Variants in NF2 observed in about 807,000 individuals in gnomAD.
The protein encoded by NF2 is NF2, moesin-ezrin-radixin like (MERLIN) tumor suppressor.
Under a neutral mutation model 83.7 loss-of-function variants are expected in NF2, and 8 were observed. The ratio of observed to expected loss-of-function variants is 0.10; its 90% CI spans 0.06 to 0.17. The LOEUF (loss-of-function observed/expected upper bound fraction) is 0.17, where lower values mean the gene tolerates loss of function less well. Ranked by LOEUF, NF2 falls within the 10% of genes least tolerant of loss-of-function variation. NF2 has a pLI of 1.00. For missense variants in NF2, 533 were observed against 744.4 expected (o/e 0.72, Z 3.31); for synonymous variants, 266 against 269.6 (o/e 0.99, Z 0.13).
intron 15 of NF2, among the ~76,000 whole-genome samples, chr22:29,692,577 G>GGCCC (rs2067435818): frequency 6.6e-6 from 1 of 152,192 alleles, no homozygotes; most frequent in Non-Finnish European, 1.5e-5. Context: ...AGCCTCTCAA[G>GGCCC]GCCCCCACAG....
chr22:29,657,613 T>C (rs189199580), intron 6 of NF2, among the ~76,000 whole-genome samples: 1 of 152,334 alleles, frequency 6.6e-6, no homozygotes, highest in Admixed American at 6.5e-5. Context: ...TATTTCAGTA[T>C]GATACCTGTT....
rs184973932 is a variant in NF2, at chr22:29,641,179, T to C, written c.364-1023T>C. ...GCAGTTTTTCTATAGCGTTGCTTTT[T>C]CCCCCCTCTCTTTGGAAATGAAACC... On this transcript the variant is annotated intron_variant, in intron 3 of 15. Transcript: ENST00000338641. 7.2e-4 allele frequency among the ~76,000 whole-genome samples: 110 copies of C among 152,064 alleles called. 1 individual carries two copies. In the East Asian group the frequency reaches 0.014, roughly 20 times the overall value.
chr22:29,637,472 C>G (rs748214667), intron 2 of NF2, among the ~76,000 whole-genome samples: 1 of 152,292 alleles, frequency 6.6e-6, no homozygotes, highest in Non-Finnish European at 1.5e-5. Flanking sequence ...CCTAAAGGAA[C>G]TGCCCTCTGC....
chr22:29,606,504 T>G (rs2064801637), intron 1 of NF2, among the ~76,000 whole-genome samples: 1 of 152,202 alleles, frequency 6.6e-6, no homozygotes, highest in African/African-American at 2.4e-5. Flanking sequence ...GGATTTTGCC[T>G]CAGGAGAGAA....
intron 1 of NF2, among the ~76,000 whole-genome samples, chr22:29,605,871 C>T (rs1425270057): frequency 6.6e-6 from 1 of 152,204 alleles, no homozygotes; most frequent in Non-Finnish European, 1.5e-5. Flanking sequence ...CCAGGAAAAG[C>T]AGGACATCAG....
chr22:29,665,016 A>C lies in NF2; in HGVS notation c.837A>C (p.Lys279Asn). ...TTACTATTAAACCACTGGATAAGAAAATTGATGTCTTCAAGTTTAACTCCT... is the reference window on the plus strand; with the variant it reads ...TTACTATTAAACCACTGGATAAGAACATTGATGTCTTCAAGTTTAACTCCT... The part of the protein sequence containing the change: ...KEFTIKPLDK[K>N]IDVFKFNSSK... Residue 279 changes from lysine to asparagine, a missense_variant, in exon 9 of 16, where the codon AAA becomes AAC. Lys to Asn is a moderately conservative substitution (Grantham distance 94). Transcript: ENST00000338641. 1 of 1,613,764 alleles carries C rather than the reference A, an allele frequency of 6.2e-7. No individual in the cohort carries two copies. The highest frequency in any genetic ancestry group is 8.5e-7 in the Non-Finnish European group (1 of 1,179,650).
chr22:29,657,690 A>C (rs561333015), intron 6 of NF2, among the ~76,000 whole-genome samples: 1 of 152,312 alleles, frequency 6.6e-6, no homozygotes, highest in African/African-American at 2.4e-5. Flanking sequence ...GATGAAGGTG[A>C]TCTGACTTGG....
intron 6 of NF2, among the ~76,000 whole-genome samples, chr22:29,657,913 T>A (rs536332911): frequency 6.6e-6 from 1 of 152,340 alleles, no homozygotes; most frequent in Admixed American, 6.5e-5. Flanking sequence ...GTTTACTGTT[T>A]ACCAAGGGCA....
intron 1 of NF2, among the ~76,000 whole-genome samples, chr22:29,604,740 G>C (rs919542739): frequency 6.6e-6 from 1 of 152,174 alleles, no homozygotes; most frequent in Non-Finnish European, 1.5e-5. Context: ...TTAAGTTCTT[G>C]CTGCTAAAAG....
chr22:29,654,366 A>T (rs2066238433), intron 4 of NF2, among the ~76,000 whole-genome samples: 1 of 152,222 alleles, frequency 6.6e-6, no homozygotes, highest in Admixed American at 6.5e-5. Flanking sequence ...TTTGGAAGTG[A>T]CTGCTTTCTT....
intron 15 of NF2, among the ~76,000 whole-genome samples, chr22:29,690,618 A>T (rs921716526): frequency 1.3e-5 from 2 of 152,234 alleles, no homozygotes; most frequent in African/African-American, 4.8e-5. Flanking sequence ...CCAGAGAAAG[A>T]AAAGGAAGTT....
intron 1 of NF2, among the ~76,000 whole-genome samples, chr22:29,612,748 TG>T (rs1221021575): frequency 1.7e-4 from 25 of 144,670 alleles, no homozygotes; most frequent in South Asian, 4.4e-4. Flanking sequence ...TTTTGGAAAT[TG>T]ATCTACACGT....
At chr22:29,648,287 A>G (rs1348687811) in intron 4 of NF2, among the ~76,000 whole-genome samples, 1 of 152,246 alleles carries the variant, frequency 6.6e-6, no homozygotes, top group Non-Finnish European at 1.5e-5. Flanking sequence ...TAAACAGGGC[A>G]TGAAACATGC....
chr22:29,694,800 T>C lies in NF2; in HGVS notation c.1786T>C (p.Ter596GlnextTer45), dbSNP rs1569319775. The change falls in exon 16 of 16, where the codon TAG becomes CAG. Residue 596 changes from the stop codon to glutamine (Q), a stop_lost. Coordinates refer to ENST00000338641, the MANE Select transcript of NF2 (RefSeq NM_000268.4). The surrounding 1 kb of genome is among the most constrained non-coding windows in gnomAD (Gnocchi z 4.1). Reference protein sequence around the residue: ...KSRVAFFEEL* With the variant: ...KSRVAFFEELQ ...CCGAGTGGCCTTCTTTGAAGAGCTC[T>C]AGCAGGTGACCCAGCCACCCCAGGA... 1 of 1,612,780 alleles carries C rather than the reference T, an allele frequency of 6.2e-7. No individual in the cohort carries two copies. Among genetic ancestry groups the C allele is most frequent in the African/African-American group, 1.3e-5 (1 of 74,986 alleles).
intron 13 of NF2, among the ~76,000 whole-genome samples, chr22:29,677,671 C>G (rs1721515156): frequency 6.6e-6 from 1 of 152,222 alleles, no homozygotes; most frequent in South Asian, 2.1e-4. Flanking sequence ...GGCACTGCCC[C>G]ACCCATTGCC....
chr22:29,611,654 GA>G (rs2064956329), intron 1 of NF2, among the ~76,000 whole-genome samples: 1 of 152,166 alleles, frequency 6.6e-6, no homozygotes. Context: ...AATTAGGCAA[GA>G]AAATGCAATA....
chr22:29,625,477 G>C (rs756526853), intron 1 of NF2, among the ~76,000 whole-genome samples: 1 of 152,080 alleles, frequency 6.6e-6, no homozygotes, highest in Non-Finnish European at 1.5e-5. Flanking sequence ...AAACTAAAGC[G>C]TTTGAGGTTT....
At chr22:29,646,539 T>C (rs1011797063) in intron 4 of NF2, among the ~76,000 whole-genome samples, 3 of 152,194 alleles carry the variant, frequency 2.0e-5, no homozygotes, top group South Asian at 2.1e-4. Flanking sequence ...AAAGGAACTT[T>C]AGAAGTGTGG....
intron 12 of NF2, 149 bp downstream of exon 12, chr22:29,673,635 C>A: frequency 1.1e-6 from 1 of 883,834 alleles, no homozygotes; most frequent in Non-Finnish European, 1.8e-6. Flanking sequence ...CTGATGGTGA[C>A]TGGTGCTTTA....
Sources: allele counts gnomAD v4.1 joint callset (sites outside exome capture counted in the v4.1 genomes callset), GRCh38; gene constraint gnomAD v4.1.1; non-coding constraint Gnocchi (gnomAD v3.1); transcripts MANE v1.5; gene names NCBI Gene and HGNC (gene_info 2026-07-23, HGNC 2026-07-21).